The following EDA variants were observed in gnomAD, a reference collection of about 807,000 sequenced individuals.
The protein encoded by EDA is ectodysplasin A.
In EDA, 2 loss-of-function variants were observed where a neutral mutation model predicts 23.6. That is an observed-to-expected ratio of 0.08 (90% CI 0.03 to 0.27). EDA has a LOEUF of 0.27. Ranked by LOEUF, EDA falls within the 10% of genes least tolerant of loss-of-function variation. The pLI, the probability that EDA is intolerant of heterozygous loss-of-function variation, is 1.00. For synonymous variants in EDA, 131 were observed against 132.0 expected (o/e 0.99, Z 0.05); for missense variants, 229 against 324.2 (o/e 0.71, Z 2.26).
intron 1 of EDA, among the ~76,000 whole-genome samples, chrX:69,679,487 A>G (rs1156982864): frequency 1.8e-5 from 2 of 111,440 alleles, no homozygotes; most frequent in Non-Finnish European, 3.8e-5. Flanking sequence ...GATTATTGCC[A>G]CAATTTCAGA....
intron 2 of EDA, among the ~76,000 whole-genome samples, chrX:70,009,936 C>G (rs1396314756): frequency 8.9e-6 from 1 of 111,939 alleles, no homozygotes; most frequent in Non-Finnish European, 1.9e-5. Flanking sequence ...TTCCAACTAT[C>G]TTGTTATTAA....
At chrX:69,848,925 T>C (rs2017061916) in intron 1 of EDA, among the ~76,000 whole-genome samples, 1 of 111,476 alleles carries the variant, frequency 9.0e-6, no homozygotes, top group Non-Finnish European at 1.9e-5. Context: ...CAAACTTTCT[T>C]CCTATTTAAA....
chrX:69,659,247 G>C (rs1333607868), intron 1 of EDA, among the ~76,000 whole-genome samples: 1 of 112,053 alleles, frequency 8.9e-6, no homozygotes, highest in African/African-American at 3.2e-5. Context: ...ACAGGTTCTT[G>C]GTAGATTTTA....
At chrX:69,669,706 G>A (rs1453242463) in intron 1 of EDA, among the ~76,000 whole-genome samples, 1 of 110,035 alleles carries the variant, frequency 9.1e-6, no homozygotes, top group Non-Finnish European at 1.9e-5. Context: ...CATGGTACAT[G>A]TGTAGGTTTG....
chrX:69,972,939 C>T (rs1389624906), intron 2 of EDA, among the ~76,000 whole-genome samples: 1 of 111,087 alleles, frequency 9.0e-6, no homozygotes, highest in Non-Finnish European at 1.9e-5. Flanking sequence ...GTAGTTGATC[C>T]AACTAACAGT....
intron 1 of EDA, among the ~76,000 whole-genome samples, chrX:69,877,153 T>C (rs1022270918): frequency 8.9e-6 from 1 of 111,802 alleles, no homozygotes; most frequent in Non-Finnish European, 1.9e-5. Flanking sequence ...TGAATATATA[T>C]TTTTTAAATT....
chrX:69,733,751 A>G lies in EDA; in HGVS notation c.396+117047A>G, dbSNP rs776147821. 2.0e-4 allele frequency among the ~76,000 whole-genome samples: 22 copies of G among 111,567 alleles called. No individual in the cohort carries two copies. The East Asian group carries it at 6.2e-3, about 31-fold the overall frequency. On this transcript the variant is annotated intron_variant, in intron 1 of 7. Transcript: ENST00000374552. ...ATCCATGAGCATGGAATGTTCTTCC[A>G]TTTGTTTGTGTCCTCTTTTATTTCA...
chrX:69,775,461 A>T (rs1307997738), intron 1 of EDA, among the ~76,000 whole-genome samples: 1 of 111,886 alleles, frequency 8.9e-6, no homozygotes, highest in African/African-American at 3.2e-5. Context: ...GGTGTGACTG[A>T]GGAGAATAAT....
chrX:69,900,985 T>G (rs1437121815), intron 1 of EDA, among the ~76,000 whole-genome samples: 1 of 111,189 alleles, frequency 9.0e-6, no homozygotes, highest in African/African-American at 3.3e-5. Flanking sequence ...GGAAGAAAAT[T>G]GTTTCAAGTT....
chrX:70,011,648 T>C (rs2019877721), intron 2 of EDA, among the ~76,000 whole-genome samples: 1 of 112,082 alleles, frequency 8.9e-6, no homozygotes, highest in Non-Finnish European at 1.9e-5. Context: ...TTTCCTTCTT[T>C]ATGTAGATCT....
rs1015254264 is a variant in EDA at position 70,039,364 on chromosome X, A to C, written c.*3755A>C. Reference sequence around the variant, plus strand: ...TTTGGGGGTCAGCATCCAGTGTGAGATACTGTGTATATAAACTATATATAA... The same window carrying C: ...TTTGGGGGTCAGCATCCAGTGTGAGCTACTGTGTATATAAACTATATATAA... On this transcript the variant is annotated 3_prime_UTR_variant, in exon 8 of 8. Transcript: ENST00000374552. 2 of 112,030 alleles carry C rather than the reference A, an allele frequency of 1.8e-5. No homozygotes were observed. Among genetic ancestry groups the C allele is most frequent in the African/African-American group, 6.5e-5 (2 of 30,700 alleles). 9.2% of individuals were successfully genotyped at this position (112,030 alleles called of 1,213,427 possible). A position where few individuals can be genotyped will look rare whatever the true frequency, so the allele number is the denominator to read the frequency against.
intron 1 of EDA, among the ~76,000 whole-genome samples, chrX:69,938,698 C>G (rs758315113): frequency 1.8e-5 from 2 of 111,722 alleles, no homozygotes; most frequent in Non-Finnish European, 3.8e-5. Context: ...CTGGAGTTCC[C>G]TCAATTTTTT....
At chrX:69,867,089 G>A (rs1040017085) in intron 1 of EDA, among the ~76,000 whole-genome samples, 3 of 111,740 alleles carry the variant, frequency 2.7e-5, no homozygotes, top group African/African-American at 3.3e-5. Flanking sequence ...GTGCTATATC[G>A]AGGGCTCAGT....
chrX:69,653,916 G>A (rs1227733742), intron 1 of EDA, among the ~76,000 whole-genome samples: 1 of 111,599 alleles, frequency 9.0e-6, no homozygotes, highest in Non-Finnish European at 1.9e-5. Context: ...TAAAACACCT[G>A]AAGCAATGGC....
intron 2 of EDA, among the ~76,000 whole-genome samples, chrX:69,969,946 A>AT (rs1227993296): frequency 9.1e-6 from 1 of 110,230 alleles, no homozygotes; most frequent in African/African-American, 3.3e-5. Context: ...CTCAAAAAAA[A>AT]TTTTTTTTAA....
intron 1 of EDA, among the ~76,000 whole-genome samples, chrX:69,852,940 A>T (rs1446578946): frequency 8.9e-6 from 1 of 112,152 alleles, no homozygotes; most frequent in Non-Finnish European, 1.9e-5. Flanking sequence ...TATAATGCAA[A>T]TCATATTTTG....
chrX:69,716,825 A>G (rs1430206280), intron 1 of EDA, among the ~76,000 whole-genome samples: 3 of 110,682 alleles, frequency 2.7e-5, no homozygotes, highest in Non-Finnish European at 5.7e-5. Context: ...TCGTTTTGTA[A>G]CAGTTGTGAA....
intron 5 of EDA, among the ~76,000 whole-genome samples, 185 bp downstream of exon 5, chrX:70,029,723 T>G (rs1292533738): frequency 8.9e-6 from 1 of 112,762 alleles, no homozygotes; most frequent in African/African-American, 3.2e-5. Context: ...CCAGGGCATG[T>G]TTTTAGCTAA....
At chrX:70,015,541 C>G (rs2019936569) in intron 2 of EDA, among the ~76,000 whole-genome samples, 1 of 111,396 alleles carries the variant, frequency 9.0e-6, no homozygotes, top group African/African-American at 3.3e-5. Context: ...CCTTTGCACT[C>G]CAGCCTGGGC....
Sources: allele counts gnomAD v4.1 joint callset (sites outside exome capture counted in the v4.1 genomes callset), GRCh38; gene constraint gnomAD v4.1.1; transcripts MANE v1.5; gene names NCBI Gene and HGNC (gene_info 2026-07-23, HGNC 2026-07-21).